PPP2R2A: variants seen among roughly 807,000 people sequenced by gnomAD.
PPP2R2A encodes the protein serine/threonine-protein phosphatase 2A 55 kDa regulatory subunit B alpha isoform.
PPP2R2A carries 9 observed loss-of-function variants against 53.2 expected under a neutral mutation model. That is an observed-to-expected ratio of 0.17 (90% confidence interval 0.10 to 0.30). The LOEUF is 0.30. Among genes scored for constraint, PPP2R2A ranks in the 10% least tolerant of loss-of-function variants. PPP2R2A has a pLI of 1.00. For missense variants in PPP2R2A, 235 were observed against 534.6 expected, an observed-to-expected ratio of 0.44 and a Z score of 5.53; for synonymous variants, 169 against 174.2, an observed-to-expected ratio of 0.97 and a Z score of 0.23.
rs1405683505 is a variant in PPP2R2A, at chr8:26,360,773, A to C, written c.460-201A>C. 1 of 509,624 alleles carries C rather than the reference A, an allele frequency of 2.0e-6. No individual in the cohort carries two copies. Among genetic ancestry groups the C allele is most frequent in the Non-Finnish European group, 3.3e-6 (1 of 299,552 alleles). The allele number at this position is 509,624 out of a possible 1,614,324, so 31.6% of individuals were successfully genotyped here. On this transcript the variant is annotated intron_variant, in intron 5 of 9. Transcript: ENST00000380737. This position sits in a 1 kb window ranked among gnomAD's most constrained non-coding sequence, Gnocchi z 4.5. The stretch of plus-strand genomic sequence containing the variant: ...ATTCTAATAGTATTGCAACCAGTAA[A>C]AGAAGATATATTATCCACATTGTTC...
chr8:26,320,501 A>G (rs1440018481), intron 2 of PPP2R2A, among the ~76,000 whole-genome samples: 2 of 152,200 alleles, frequency 1.3e-5, no homozygotes, highest in African/African-American at 2.4e-5. Flanking sequence ...TACTGCTGGT[A>G]TTCTAACTTA....
At chr8:26,313,269 A>G (rs2117240714) in intron 2 of PPP2R2A, among the ~76,000 whole-genome samples, 1 of 152,168 alleles carries the variant, frequency 6.6e-6, no homozygotes, top group Non-Finnish European at 1.5e-5. Flanking sequence ...CCCTGACCTC[A>G]GGTGGTTTGC....
rs1406919806 is a variant in PPP2R2A, at chr8:26,371,628, T to TA, written c.*1216dup. 1 of 152,242 alleles carries TA rather than the reference T, an allele frequency of 6.6e-6. No homozygotes were observed. Among genetic ancestry groups the TA allele is most frequent in the African/African-American group, 2.4e-5 (1 of 41,480 alleles). 9.4% of individuals were successfully genotyped at this position (152,242 alleles called of 1,614,324 possible). On this transcript the variant is annotated 3_prime_UTR_variant, in exon 10 of 10. Transcript: ENST00000380737. ...TGCACTAAATACTTTTTTTGTATTT[T>TA]ACTGCTATCAAATCAGAATGAAATA...
intron 2 of PPP2R2A, among the ~76,000 whole-genome samples, chr8:26,296,105 C>G (rs1013915799): frequency 2.6e-5 from 4 of 152,178 alleles, no homozygotes; most frequent in African/African-American, 9.7e-5. Flanking sequence ...CTGCTTTCAC[C>G]TCTATTCAGG....
intron 3 of PPP2R2A, among the ~76,000 whole-genome samples, chr8:26,346,654 T>C (rs748335138): frequency 6.6e-6 from 1 of 152,244 alleles, no homozygotes; most frequent in Non-Finnish European, 1.5e-5. Flanking sequence ...TTGGGTTCTT[T>C]CTCAAATATC....
At position 26,360,569 on chromosome 8, in the gene PPP2R2A, A is replaced by G; in HGVS notation, c.459+288A>G. Reference sequence around the variant, plus strand: ...AGCTATCACAAGGTCAAGTTTCAAGATAAATTTTCTTTGGAAATCAAAAAA... The same window carrying G: ...AGCTATCACAAGGTCAAGTTTCAAGGTAAATTTTCTTTGGAAATCAAAAAA... On this transcript the variant is annotated intron_variant, in intron 5 of 9. Transcript: ENST00000380737. This position sits in a 1 kb window ranked among gnomAD's most constrained non-coding sequence, Gnocchi z 4.5. The G allele has an allele frequency of 6.9e-6, 2 of 289,166 alleles. No individual in the cohort carries two copies. The highest frequency in any genetic ancestry group is 1.3e-5 in the Non-Finnish European group (2 of 158,592). 17.9% of individuals were successfully genotyped at this position (289,166 alleles called of 1,614,324 possible).
intron 2 of PPP2R2A, among the ~76,000 whole-genome samples, chr8:26,338,000 T>C (rs1343832980): frequency 1.3e-5 from 2 of 152,240 alleles, no homozygotes; most frequent in Non-Finnish European, 2.9e-5. Flanking sequence ...TTCTTAACAG[T>C]GAGCTTCTGT....
intron 4 of PPP2R2A, among the ~76,000 whole-genome samples, chr8:26,358,754 A>T (rs1323681477): frequency 8.5e-5 from 13 of 152,228 alleles, no homozygotes. Flanking sequence ...CAATTGTAAC[A>T]GTTTTAAATC....
In PPP2R2A at chr8:26,332,540, A is replaced by G. The variant is rs79473569; in HGVS notation, c.83-6350A>G. ...CTTGTAATTCATGCTGTAGTTGTTT[A>G]TTTTGCCTTAGGATACTCCTTTGAT... On this transcript the variant is annotated intron_variant, in intron 2 of 9. Coordinates refer to ENST00000380737, the MANE Select transcript of PPP2R2A (RefSeq NM_002717.4). Among the ~76,000 whole-genome samples the G allele has an allele frequency of 6.1e-3, 922 of 151,794 alleles. 7 individuals carry two copies. The highest frequency in any genetic ancestry group is 0.021 in the African/African-American group (855 of 41,370).
intron 2 of PPP2R2A, chr8:26,333,715 T>C: frequency 4.1e-6 from 1 of 241,804 alleles, no homozygotes; most frequent in East Asian, 9.6e-5. Context: ...TTTGGCTGTA[T>C]GTGTTCTATT....
intron 4 of PPP2R2A, among the ~76,000 whole-genome samples, chr8:26,357,811 T>C (rs529692928): frequency 6.6e-6 from 1 of 152,182 alleles, no homozygotes; most frequent in Admixed American, 6.5e-5. Flanking sequence ...CTTTAGTTAT[T>C]AGTGTTGATA....
intron 3 of PPP2R2A, among the ~76,000 whole-genome samples, chr8:26,349,728 C>T (rs553014531): frequency 9.8e-5 from 15 of 152,288 alleles, no homozygotes; most frequent in Admixed American, 1.3e-4. Flanking sequence ...CTTTTCCCTT[C>T]CTCTCCTTTA....
chr8:26,337,196 G>A (rs578131217), intron 2 of PPP2R2A, among the ~76,000 whole-genome samples: 1 of 152,138 alleles, frequency 6.6e-6, no homozygotes, highest in East Asian at 1.9e-4. Flanking sequence ...TCAAAGATAG[G>A]TATTTTGGTA....
At chr8:26,306,449 C>T (rs1193112019) in intron 2 of PPP2R2A, among the ~76,000 whole-genome samples, 1 of 148,648 alleles carries the variant, frequency 6.7e-6, no homozygotes, top group Non-Finnish European at 1.5e-5. Flanking sequence ...GTACTGCAGC[C>T]TGGGTGACAG....
intron 1 of PPP2R2A, chr8:26,292,577 G>A (rs1801352636): frequency 2.0e-6 from 1 of 491,852 alleles, no homozygotes; most frequent in African/African-American, 2.1e-5. Context: ...ATAGCAAGGA[G>A]GAGAGAGATT....
chr8:26,313,548 C>G (rs1308796772), intron 2 of PPP2R2A, among the ~76,000 whole-genome samples: 2 of 152,176 alleles, frequency 1.3e-5, no homozygotes, highest in Non-Finnish European at 2.9e-5. Flanking sequence ...GTCCTAATCT[C>G]TGGAACCTGT....
At position 26,360,117 on chromosome 8, in the gene PPP2R2A, A is replaced by G; in HGVS notation, c.347-52A>G. On this transcript the variant is annotated intron_variant, in intron 4 of 9. Transcript: ENST00000380737. This position sits in a 1 kb window ranked among gnomAD's most constrained non-coding sequence, Gnocchi z 4.5. ...GAAATAGCATATTTTAAATGCCTTA[A>G]AATGTTTTTCTTCTTCAGTATTTTA... The G allele has an allele frequency of 1.9e-6, 2 of 1,043,004 alleles. No homozygotes were observed. The highest frequency in any genetic ancestry group is 2.9e-6 in the Non-Finnish European group (2 of 694,516). 64.6% of individuals were successfully genotyped at this position (1,043,004 alleles called of 1,614,324 possible).
intron 4 of PPP2R2A, among the ~76,000 whole-genome samples, chr8:26,357,054 T>C (rs1804818268): frequency 6.6e-6 from 1 of 152,204 alleles, no homozygotes; most frequent in South Asian, 2.1e-4. Flanking sequence ...AAGTGCTTAA[T>C]AATAGAGTCC....
chr8:26,296,582 C>T (rs1357489382), intron 2 of PPP2R2A, among the ~76,000 whole-genome samples: 2 of 152,234 alleles, frequency 1.3e-5, no homozygotes, highest in African/African-American at 4.8e-5. Flanking sequence ...ACGTAGATAT[C>T]ATATGGTACC....
Sources: gnomAD v4.1 joint callset for allele counts (sites outside exome capture counted in the v4.1 genomes callset) on GRCh38, gnomAD v4.1.1 for gene constraint, Gnocchi (gnomAD v3.1) non-coding constraint, MANE v1.5 for transcripts, NCBI Gene and HGNC (gene_info 2026-07-23, HGNC 2026-07-21) for gene names.